Variants in JAKMIP2 observed in about 807,000 individuals in gnomAD.
The protein encoded by JAKMIP2 is janus kinase and microtubule-interacting protein 2.
Under a neutral mutation model 115.0 loss-of-function variants are expected in JAKMIP2, and 25 were observed. The observed-to-expected ratio is 0.22, with a 90% CI of 0.16 to 0.30. The LOEUF (loss-of-function observed/expected upper bound fraction) is 0.30. Ranked by LOEUF, JAKMIP2 falls within the 10% of genes least tolerant of loss-of-function variation. JAKMIP2 has a pLI of 1.00. For synonymous variants in JAKMIP2, 334 were observed against 343.6 expected, an observed-to-expected ratio of 0.97 and a Z score of 0.31; for missense variants, 642 against 957.6, an observed-to-expected ratio of 0.67 and a Z score of 4.35.
rs189075043 is a variant in JAKMIP2 at position 147,658,612 on chromosome 5, G to A, written c.627+2336C>T. 7.9e-4 allele frequency among the ~76,000 whole-genome samples: 120 copies of A among 152,278 alleles called. No homozygotes were observed. In the East Asian group the frequency reaches 0.021, roughly 27 times the overall value. ...CCAGCAGGCAGGAAAGATTAAATCC[G>A]CTGAAGCTGCTACCACAGCCGCCCC... On this transcript the variant is annotated intron_variant, in intron 3 of 21. Coordinates refer to ENST00000616793, the MANE Select transcript of JAKMIP2 (RefSeq NM_001270941.2).
intron 1 of JAKMIP2, among the ~76,000 whole-genome samples, chr5:147,757,747 G>T (rs1754798473): frequency 6.6e-6 from 1 of 152,046 alleles, no homozygotes; most frequent in Non-Finnish European, 1.5e-5. Context: ...AATTGATGTT[G>T]GTAGCAATTT....
At chr5:147,745,314 G>A (rs764855496) in intron 1 of JAKMIP2, among the ~76,000 whole-genome samples, 9 of 152,166 alleles carry the variant, frequency 5.9e-5, no homozygotes, top group Non-Finnish European at 1.2e-4. Flanking sequence ...GAGAACTCAA[G>A]ATCTATTATT....
chr5:147,722,298 C>T (rs891389215), intron 1 of JAKMIP2, among the ~76,000 whole-genome samples: 20 of 152,140 alleles, frequency 1.3e-4, no homozygotes, highest in Non-Finnish European at 1.3e-4. Flanking sequence ...AACTTGCTAT[C>T]ACAGGATTCA....
At chr5:147,740,596 A>G (rs1187199013) in intron 1 of JAKMIP2, among the ~76,000 whole-genome samples, 1 of 152,156 alleles carries the variant, frequency 6.6e-6, no homozygotes, top group Non-Finnish European at 1.5e-5. Flanking sequence ...AAACTTTTGG[A>G]CAACTTAGAA....
intron 1 of JAKMIP2, among the ~76,000 whole-genome samples, chr5:147,751,256 G>GTTTTTTTTT (rs59032563): frequency 3.8e-5 from 5 of 131,600 alleles, no homozygotes; most frequent in Non-Finnish European, 6.4e-5. Context: ...TTTTGTTGTT[G>GTTTTTTTTT]TTTTTTTTTT....
Position 147,652,412 on chromosome 5 carries a change from C to T in JAKMIP2, c.628-1865G>A, listed in dbSNP as rs139763799. ...AGCTTTATTGCGTAGCAGTTATGAG[C>T]ATGGACTCTGATCTCAAAATACTGA... On this transcript the variant is annotated intron_variant, in intron 3 of 21. Transcript: ENST00000616793. 8.7e-4 allele frequency among the ~76,000 whole-genome samples: 133 copies of T among 152,222 alleles called. 2 individuals carry two copies. The highest frequency in any genetic ancestry group is 3.1e-3 in the African/African-American group (127 of 41,522).
At chr5:147,679,408 G>T (rs988327197) in intron 1 of JAKMIP2, among the ~76,000 whole-genome samples, 1 of 152,224 alleles carries the variant, frequency 6.6e-6, no homozygotes, top group South Asian at 2.1e-4. Context: ...TTTGGTAGAT[G>T]TTAAAAAGTG....
chr5:147,612,169 G>C (rs1239747241), intron 20 of JAKMIP2, 137 bp downstream of exon 20: 1 of 758,632 alleles, frequency 1.3e-6, no homozygotes, highest in Non-Finnish European at 2.4e-6. Flanking sequence ...GAAGGTGAAA[G>C]CTAGGTTTAC....
At chr5:147,653,203 A>G (rs535166491) in intron 3 of JAKMIP2, among the ~76,000 whole-genome samples, 1 of 152,290 alleles carries the variant, frequency 6.6e-6, no homozygotes, top group Admixed American at 6.5e-5. Flanking sequence ...AGAATGATTT[A>G]TATTCCTTTG....
At chr5:147,740,480 T>C (rs371097683) in intron 1 of JAKMIP2, among the ~76,000 whole-genome samples, 44 of 152,176 alleles carry the variant, frequency 2.9e-4, no homozygotes, top group South Asian at 8.3e-4. Context: ...CTTTTAACAG[T>C]TGATTGAGAG....
chr5:147,735,387 A>T (rs1753882522), intron 1 of JAKMIP2, among the ~76,000 whole-genome samples: 1 of 152,342 alleles, frequency 6.6e-6, no homozygotes, highest in Admixed American at 6.5e-5. Flanking sequence ...ATTGACTCAC[A>T]GTTCCACATG....
chr5:147,744,016 TTCC>T (rs1754256721), intron 1 of JAKMIP2, among the ~76,000 whole-genome samples: 2 of 132,510 alleles, frequency 1.5e-5, no homozygotes, highest in South Asian at 5.2e-4. Context: ...CCTTCCTTCC[TTCC>T]TTCCTTCCTT....
intron 1 of JAKMIP2, among the ~76,000 whole-genome samples, chr5:147,761,357 A>T (rs1344771019): frequency 6.6e-6 from 1 of 152,066 alleles, no homozygotes; most frequent in African/African-American, 2.4e-5. Context: ...TGAAAATAAT[A>T]TTGACTATGT....
intron 21 of JAKMIP2, among the ~76,000 whole-genome samples, chr5:147,594,062 G>A (rs917588949): frequency 3.3e-5 from 5 of 152,122 alleles, no homozygotes; most frequent in Non-Finnish European, 7.4e-5. Context: ...GTAAACACAT[G>A]TTGGTTTTAA....
At chr5:147,689,671 T>G (rs1000527235) in intron 1 of JAKMIP2, among the ~76,000 whole-genome samples, 8 of 152,180 alleles carry the variant, frequency 5.3e-5, no homozygotes, top group African/African-American at 1.9e-4. Context: ...GCTCTCACTC[T>G]AAGCAGGGCA....
chr5:147,598,320 C>T (rs1332890958), intron 21 of JAKMIP2, among the ~76,000 whole-genome samples: 1 of 152,086 alleles, frequency 6.6e-6, no homozygotes, highest in Admixed American at 6.6e-5. Flanking sequence ...TTGAACAGAG[C>T]CATGTTGCTT....
intron 20 of JAKMIP2, among the ~76,000 whole-genome samples, chr5:147,607,676 A>G (rs760276067): frequency 1.3e-5 from 2 of 152,170 alleles, no homozygotes; most frequent in Non-Finnish European, 2.9e-5. Context: ...TATCAGAATG[A>G]TGCTGGCCTC....
At chr5:147,739,370 G>C (rs1754053805) in intron 1 of JAKMIP2, among the ~76,000 whole-genome samples, 1 of 152,114 alleles carries the variant, frequency 6.6e-6, no homozygotes, top group South Asian at 2.1e-4. Flanking sequence ...AGAAAAGCCT[G>C]CCTAGGGGTG....
intron 1 of JAKMIP2, among the ~76,000 whole-genome samples, chr5:147,740,380 C>G (rs572172259): frequency 1.1e-4 from 16 of 152,314 alleles, no homozygotes; most frequent in Middle Eastern, 3.4e-3. Context: ...ACTGTGAAGC[C>G]AGACTGCACA....
Sources: allele counts gnomAD v4.1 joint callset (sites outside exome capture counted in the v4.1 genomes callset), GRCh38; gene constraint gnomAD v4.1.1; transcripts MANE v1.5; gene names NCBI Gene and HGNC (gene_info 2026-07-23, HGNC 2026-07-21).